Variants in KNTC1 observed in about 807,000 individuals in gnomAD.
KNTC1 encodes the protein kinetochore-associated protein 1.
In KNTC1, 253 loss-of-function variants were observed where a neutral mutation model predicts 314.4. The observed-to-expected ratio is 0.80, with a 90% CI of 0.73 to 0.89. The LOEUF (loss-of-function observed/expected upper bound fraction) is 0.89, where lower values mean the gene tolerates loss of function less well. Ranked by LOEUF, KNTC1 falls within the 40% of genes least tolerant of loss-of-function variation. The probability of loss-of-function intolerance (pLI) is 0.00; values close to 1 mark genes in which losing one functional copy is unlikely to be tolerated. For synonymous variants in KNTC1, 901 were observed against 901.4 expected, an observed-to-expected ratio of 1.00 and a Z score of 0.01; for missense variants, 2,475 against 2,572.9, an observed-to-expected ratio of 0.96 and a Z score of 0.82.
chr12:122,559,165 G>A (rs945752138), intron 18 of KNTC1, among the ~76,000 whole-genome samples: 1 of 150,876 alleles, frequency 6.6e-6, no homozygotes, highest in African/African-American at 2.4e-5. Flanking sequence ...TGACGAACAT[G>A]GTGAAACCCC....
rs754400067 is a variant in KNTC1, at chr12:122,607,354, G to A, written c.5496+1939G>A. The stretch of plus-strand genomic sequence containing the variant: ...GCTGGTATAACAGGCATGAGCCACC[G>A]TGCTTGGCCTCTAGTCTGTTTTAAT... On this transcript the variant is annotated intron_variant, in intron 51 of 63. Coordinates refer to ENST00000333479, the MANE Select transcript of KNTC1 (RefSeq NM_014708.6). Among the ~76,000 whole-genome samples, 84 of 152,262 alleles carry A rather than the reference G, an allele frequency of 5.5e-4. 1 individual carries two copies. The highest frequency in any genetic ancestry group is 3.4e-4 in the Non-Finnish European group (23 of 68,016).
chr12:122,528,462 A>G (rs1960971006), intron 1 of KNTC1, among the ~76,000 whole-genome samples: 1 of 152,030 alleles, frequency 6.6e-6, no homozygotes, highest in South Asian at 2.1e-4. Flanking sequence ...TTAAAACTCA[A>G]AACATTTGGA....
At chr12:122,527,541 C>G (rs1444381964) in intron 1 of KNTC1, 190 bp downstream of exon 1, 1 of 152,350 alleles carries the variant, frequency 6.6e-6, no homozygotes, top group Admixed American at 6.5e-5. Context: ...AGTGTTTCAT[C>G]TTGCTCATTC....
intron 2 of KNTC1, among the ~76,000 whole-genome samples, chr12:122,532,294 C>T (rs1213104173): frequency 6.6e-6 from 1 of 150,470 alleles, no homozygotes; most frequent in Non-Finnish European, 1.5e-5. Flanking sequence ...TTGCAACCTC[C>T]GCCTCCTGGG....
intron 33 of KNTC1, 68 bp from the exon 34 acceptor site, chr12:122,582,637 T>C: frequency 7.2e-7 from 1 of 1,379,476 alleles, no homozygotes; most frequent in East Asian, 2.4e-5. Flanking sequence ...AAAAAACTAA[T>C]GAAAATGATT....
intron 20 of KNTC1, chr12:122,563,782 A>G (rs560014910): frequency 1.4e-6 from 2 of 1,480,868 alleles, no homozygotes; most frequent in East Asian, 2.5e-5. Flanking sequence ...TCGTGCCCAT[A>G]TGATGACTCT....
chr12:122,604,445 C>T, intron 48 of KNTC1, 119 bp from the exon 49 acceptor site: 1 of 520,716 alleles, frequency 1.9e-6, no homozygotes, highest in Non-Finnish European at 3.3e-6. Context: ...CTGTGCCCAG[C>T]CATGAGTATG....
chr12:122,554,257 T>C (rs1963427157), intron 16 of KNTC1, among the ~76,000 whole-genome samples: 1 of 151,044 alleles, frequency 6.6e-6, no homozygotes, highest in South Asian at 2.1e-4. Context: ...TTTTTATATA[T>C]ATTTTGTAAA....
chr12:122,555,503 G>T (rs893368520), intron 16 of KNTC1, among the ~76,000 whole-genome samples: 4 of 151,944 alleles, frequency 2.6e-5, no homozygotes, highest in African/African-American at 7.3e-5. Context: ...GTGAGCTGAG[G>T]TTACACTTAC....
intron 51 of KNTC1, among the ~76,000 whole-genome samples, chr12:122,607,061 C>G (rs1405853110): frequency 6.6e-6 from 1 of 152,080 alleles, no homozygotes; most frequent in Non-Finnish European, 1.5e-5. Flanking sequence ...GGTCATGTCT[C>G]TAGTCTGTTT....
In KNTC1 at chr12:122,557,633, G is replaced by C. The variant is rs754707346; in HGVS notation, c.1432G>C (p.Ala478Pro). Residue 478 changes from alanine (A) to proline (P), a missense_variant, in exon 18 of 64, where the codon GCT becomes CCT. By Grantham distance (27) the Ala-to-Pro change is conservative (BLOSUM62 -1). Transcript: ENST00000333479. ...DEFVVNYCLK[A>P]QWITYETTQE... ...ATTTGTGGTGAATTACTGCCTGAAA[G>C]CTCAGTGGATAACCTATGAAACCAC... The C allele has an allele frequency of 2.5e-6, 4 of 1,613,344 alleles. No individual in the cohort carries two copies. The highest frequency in any genetic ancestry group is 3.4e-6 in the Non-Finnish European group (4 of 1,179,654).
chr12:122,544,093 T>G, intron 7 of KNTC1, 66 bp from the exon 8 acceptor site: 1 of 682,816 alleles, frequency 1.5e-6, no homozygotes, highest in Non-Finnish European at 2.4e-6. Context: ...TATCAACTGA[T>G]TTTAGTGATT....
At chr12:122,591,908 G>T (rs1258694452) in intron 42 of KNTC1, among the ~76,000 whole-genome samples, 2 of 152,216 alleles carry the variant, frequency 1.3e-5, no homozygotes, top group African/African-American at 2.4e-5. Flanking sequence ...CTCTGCCTGG[G>T]CTCCCACTTT....
intron 16 of KNTC1, among the ~76,000 whole-genome samples, chr12:122,552,144 C>CGT (rs1215615622): frequency 1.3e-5 from 2 of 151,950 alleles, no homozygotes; most frequent in Non-Finnish European, 2.9e-5. Flanking sequence ...CTAACCTCCT[C>CGT]GTGATCTGCC....
intron 43 of KNTC1, among the ~76,000 whole-genome samples, chr12:122,596,288 A>G (rs913908405): frequency 3.3e-5 from 5 of 151,632 alleles, no homozygotes; most frequent in African/African-American, 1.2e-4. Context: ...TCACCATGTT[A>G]CCTAGGCTGG....
At position 122,573,296 on chromosome 12, in the gene KNTC1, C is replaced by T; in HGVS notation, c.2283+11C>T. On this transcript the variant is annotated intron_variant, in intron 26 of 63. Transcript: ENST00000333479. ...TTGCTGTACATAGAGGTAACTTTTC[C>T]TTTACATCTAGTCTTATTTCTTGGA... is the stretch of plus-strand genomic sequence containing the variant. 1 of 1,610,120 alleles carries T rather than the reference C, an allele frequency of 6.2e-7. No homozygotes were observed.
intron 10 of KNTC1, among the ~76,000 whole-genome samples, 188 bp downstream of exon 10, chr12:122,546,862 C>T (rs1272404232): frequency 1.4e-5 from 2 of 143,052 alleles, no homozygotes; most frequent in Admixed American, 7.1e-5. Flanking sequence ...GATAGAGTTT[C>T]GCTCTTGTTT....
At chr12:122,561,379 G>A (rs1199467473) in intron 18 of KNTC1, among the ~76,000 whole-genome samples, 2 of 151,104 alleles carry the variant, frequency 1.3e-5, no homozygotes, top group African/African-American at 4.9e-5. Context: ...GACCTTTTTT[G>A]GCATGCAATT....
intron 13 of KNTC1, among the ~76,000 whole-genome samples, chr12:122,550,368 A>G (rs184859046): frequency 1.3e-5 from 2 of 152,268 alleles, no homozygotes; most frequent in African/African-American, 4.8e-5. Flanking sequence ...AGAAAATGTA[A>G]CTCAAATACA....
Sources: gnomAD v4.1 joint callset for allele counts (sites outside exome capture counted in the v4.1 genomes callset) on GRCh38, gnomAD v4.1.1 for gene constraint, MANE v1.5 for transcripts, NCBI Gene and HGNC (gene_info 2026-07-23, HGNC 2026-07-21) for gene names.